Variants in ARHGAP29 observed in about 807,000 individuals in gnomAD.
ARHGAP29 encodes Rho GTPase activating protein 29.
Under a neutral mutation model 122.6 loss-of-function variants are expected in ARHGAP29, and 43 were observed. The observed-to-expected ratio is 0.35, with a 90% CI of 0.27 to 0.45. The LOEUF is 0.45. Ranked by LOEUF, ARHGAP29 falls within the 20% of genes least tolerant of loss-of-function variation. The probability of loss-of-function intolerance (pLI) is 1.00; values close to 1 mark genes in which losing one functional copy is unlikely to be tolerated. For missense variants in ARHGAP29, 1,303 were observed against 1,477.2 expected (o/e 0.88, Z 1.93); for synonymous variants, 506 against 497.1 (o/e 1.02, Z -0.24).
intron 2 of ARHGAP29, among the ~76,000 whole-genome samples, chr1:94,228,848 G>C (rs528898880): frequency 4.6e-5 from 7 of 151,902 alleles, no homozygotes; most frequent in African/African-American, 1.4e-4. Context: ...CTGCACATTA[G>C]TGCTTCAGTT....
chr1:94,206,951 T>C (rs1199877485), intron 5 of ARHGAP29, among the ~76,000 whole-genome samples: 1 of 149,962 alleles, frequency 6.7e-6, no homozygotes, highest in Non-Finnish European at 1.5e-5. Flanking sequence ...GCAATATATA[T>C]ATTCAAATGA....
At chr1:94,248,424 G>C (rs1292277173) in intron 1 of ARHGAP29, among the ~76,000 whole-genome samples, 1 of 152,058 alleles carries the variant, frequency 6.6e-6, no homozygotes, top group Non-Finnish European at 1.5e-5. Context: ...CATGTATGGA[G>C]GAAAACAAAA....
At chr1:94,290,579 T>A in the ARHGAP29 span, among the ~76,000 whole-genome samples, 1 of 152,260 alleles carries the variant, frequency 6.6e-6, no homozygotes, top group Non-Finnish European at 1.5e-5. Flanking sequence ...AATTTCCCTC[T>A]ATACACTGCT....
chr1:94,176,452 C>T (rs896287172), intron 22 of ARHGAP29, among the ~76,000 whole-genome samples: 3 of 152,148 alleles, frequency 2.0e-5, no homozygotes, highest in African/African-American at 7.2e-5. Context: ...CAACCTTTGG[C>T]ATTACTTAGT....
intron 12 of ARHGAP29, among the ~76,000 whole-genome samples, chr1:94,197,088 A>G (rs1330594701): frequency 6.6e-6 from 1 of 152,186 alleles, no homozygotes. Context: ...TCTTTTTTAA[A>G]AAGATAATAA....
chr1:94,218,078 C>T (rs1373918642), intron 3 of ARHGAP29, among the ~76,000 whole-genome samples: 1 of 152,094 alleles, frequency 6.6e-6, no homozygotes, highest in Non-Finnish European at 1.5e-5. Flanking sequence ...TAAATGAAAC[C>T]ATTAATTAAG....
intron 1 of ARHGAP29, among the ~76,000 whole-genome samples, chr1:94,261,346 C>T (rs1654549167): frequency 6.6e-6 from 1 of 152,122 alleles, no homozygotes; most frequent in African/African-American, 2.4e-5. Flanking sequence ...GTAATAAACA[C>T]TTATTTGTGT....
chr1:94,177,237 T>A (rs908422552), intron 22 of ARHGAP29: 5 of 160,192 alleles, frequency 3.1e-5, no homozygotes, highest in African/African-American at 1.2e-4. Flanking sequence ...TAGTTGACTC[T>A]GTATGAGCAG....
intron 3 of ARHGAP29, among the ~76,000 whole-genome samples, chr1:94,217,542 A>C (rs1255570117): frequency 1.3e-5 from 2 of 151,938 alleles, no homozygotes; most frequent in East Asian, 3.9e-4. Context: ...AAAAAAAAAA[A>C]AACACTCAAT....
At chr1:94,262,241 T>C (rs147999890) in intron 1 of ARHGAP29, among the ~76,000 whole-genome samples, 2 of 152,212 alleles carry the variant, frequency 1.3e-5, no homozygotes, top group East Asian at 3.9e-4. Context: ...CCTTATACCA[T>C]ATACAAAAAT....
At chr1:94,287,725 C>G in the ARHGAP29 span, among the ~76,000 whole-genome samples, 1 of 152,056 alleles carries the variant, frequency 6.6e-6, no homozygotes, top group African/African-American at 2.4e-5. Context: ...TTGTTCAACT[C>G]CCACTTATGC....
At chr1:94,207,021 A>T (rs1651244554) in intron 5 of ARHGAP29, among the ~76,000 whole-genome samples, 1 of 151,094 alleles carries the variant, frequency 6.6e-6, no homozygotes, top group Admixed American at 6.6e-5. Context: ...TTATTTATTT[A>T]TTTTTGAGAC....
At chr1:94,283,973 GA>G in the ARHGAP29 span, among the ~76,000 whole-genome samples, 1 of 151,412 alleles carries the variant, frequency 6.6e-6, no homozygotes, top group Non-Finnish European at 1.5e-5. Context: ...TTACTTGTTT[GA>G]AAAACAGATC....
chr1:94,188,732 T>C (rs144577956), intron 15 of ARHGAP29, 105 bp downstream of exon 15: 111 of 926,116 alleles, frequency 1.2e-4, no homozygotes, highest in Non-Finnish European at 1.6e-4. Flanking sequence ...CTTTCCTCTC[T>C]ATTATGTGTG....
chr1:94,195,038 A>T (rs1214988754), intron 12 of ARHGAP29: 1 of 152,222 alleles, frequency 6.6e-6, no homozygotes, highest in Non-Finnish European at 1.5e-5. Flanking sequence ...AATGATAATT[A>T]GAGGGAGATT....
At chr1:94,306,379 A>G in the ARHGAP29 span, among the ~76,000 whole-genome samples, 6 of 152,362 alleles carry the variant, frequency 3.9e-5, no homozygotes, top group African/African-American at 7.2e-5. Flanking sequence ...ATGTGCCCTC[A>G]TGGCCGTGAA....
At chr1:94,221,376 T>C (rs953915186) in intron 2 of ARHGAP29, among the ~76,000 whole-genome samples, 13 of 152,106 alleles carry the variant, frequency 8.5e-5, no homozygotes, top group African/African-American at 3.1e-4. Context: ...TAAGAGTTAA[T>C]ATCTATTAAG....
the ARHGAP29 span, among the ~76,000 whole-genome samples, chr1:94,289,668 C>G: frequency 2.0e-5 from 3 of 152,162 alleles, no homozygotes; most frequent in Non-Finnish European, 4.4e-5. Context: ...TACGTTCCGT[C>G]AATAACTAGT....
chr1:94,177,535 C>T lies in ARHGAP29; in HGVS notation c.2905+77G>A, dbSNP rs113680708. On this transcript the variant is annotated intron_variant, in intron 22 of 22. Coordinates refer to ENST00000260526, the MANE Select transcript of ARHGAP29 (RefSeq NM_004815.4). ...TTCTCTGGCTTCCCTCATTGCCCCT[C>T]ACCTTGGTTTTAATCACGGTTCTAC... 9.5e-4 allele frequency: 1,057 copies of T among 1,108,486 alleles called. 8 individuals carry two copies. Among genetic ancestry groups the T allele is most frequent in the Middle Eastern group, 5.4e-3 (26 of 4,836 alleles). 68.7% of individuals were successfully genotyped at this position (1,108,486 alleles called of 1,614,324 possible). A position where few individuals can be genotyped will look rare whatever the true frequency, so the allele number is the denominator to read the frequency against.
Sources: gnomAD v4.1 joint callset for allele counts (sites outside exome capture counted in the v4.1 genomes callset) on GRCh38, gnomAD v4.1.1 for gene constraint, MANE v1.5 for transcripts, NCBI Gene and HGNC (gene_info 2026-07-23, HGNC 2026-07-21) for gene names.